ALG5: variants seen among roughly 807,000 people sequenced by gnomAD.
ALG5 encodes ALG5 dolichyl-phosphate beta-glucosyltransferase, also known as dolichyl-phosphate beta-glucosyltransferase.
ALG5 carries 26 observed loss-of-function variants against 51.8 expected under a neutral mutation model. The observed-to-expected ratio is 0.50, with a 90% CI of 0.37 to 0.70. The LOEUF (loss-of-function observed/expected upper bound fraction) is 0.70, where lower values mean the gene tolerates loss of function less well. Ranked by LOEUF, ALG5 falls within the 30% of genes least tolerant of loss-of-function variation. ALG5 has a pLI of 0.00. For synonymous variants in ALG5, 141 were observed against 136.1 expected (o/e 1.04, Z -0.25); for missense variants, 311 against 399.3 (o/e 0.78, Z 1.88).
intron 6 of ALG5, among the ~76,000 whole-genome samples, chr13:36,974,126 T>C (rs747698436): frequency 1.3e-4 from 20 of 152,208 alleles, no homozygotes; most frequent in South Asian, 4.1e-4. Flanking sequence ...TGCATAAATA[T>C]AGTGCAATCT....
At chr13:36,967,963 G>A (rs1276257431) in intron 7 of ALG5, 2 of 349,108 alleles carry the variant, frequency 5.7e-6, no homozygotes, top group South Asian at 3.2e-5. Context: ...GCTCTGGCTT[G>A]GATGTTAATA....
At chr13:36,994,942 G>C (rs767057798) in intron 3 of ALG5, 47 bp downstream of exon 3, 12 of 1,544,408 alleles carry the variant, frequency 7.8e-6, no homozygotes, top group Non-Finnish European at 1.1e-5. Flanking sequence ...TGGTGACCTG[G>C]TCTAGTTTTA....
intron 6 of ALG5, among the ~76,000 whole-genome samples, chr13:36,981,814 G>T (rs1001113447): frequency 3.2e-4 from 48 of 152,184 alleles, no homozygotes; most frequent in African/African-American, 1.1e-3. Flanking sequence ...TGGGCCAGGC[G>T]CAGTGGTTCA....
intron 3 of ALG5, among the ~76,000 whole-genome samples, chr13:36,993,977 G>A (rs1459728898): frequency 6.6e-6 from 1 of 152,124 alleles, no homozygotes; most frequent in Non-Finnish European, 1.5e-5. Flanking sequence ...CATTTGAGAG[G>A]GTACAGGTGT....
At chr13:36,978,200 T>TC (rs2058963038) in intron 6 of ALG5, among the ~76,000 whole-genome samples, 2 of 150,588 alleles carry the variant, frequency 1.3e-5, no homozygotes, top group Non-Finnish European at 3.0e-5. Context: ...TTTTTTTTTT[T>TC]TTTTTGAGAC....
At chr13:36,979,368 T>G (rs1057391776) in intron 6 of ALG5, among the ~76,000 whole-genome samples, 1 of 152,136 alleles carries the variant, frequency 6.6e-6, no homozygotes, top group African/African-American at 2.4e-5. Context: ...GAGGTTGAGT[T>G]CTCTTTTGGA....
chr13:36,970,627 A>C (rs2058918264), intron 7 of ALG5, among the ~76,000 whole-genome samples: 1 of 151,194 alleles, frequency 6.6e-6, no homozygotes, highest in African/African-American at 2.4e-5. Flanking sequence ...AAACAAAAAA[A>C]GAAGGCCGGG....
intron 8 of ALG5, among the ~76,000 whole-genome samples, chr13:36,960,201 G>C (rs1245654523): frequency 6.6e-6 from 1 of 152,166 alleles, no homozygotes; most frequent in Non-Finnish European, 1.5e-5. Flanking sequence ...TGTATTTGGA[G>C]TTTACGTGTG....
At chr13:36,988,112 G>T (rs898199025) in intron 5 of ALG5, among the ~76,000 whole-genome samples, 1 of 152,062 alleles carries the variant, frequency 6.6e-6, no homozygotes, top group South Asian at 2.1e-4. Flanking sequence ...TAAAGACCCC[G>T]CCGAGAATTT....
chr13:36,954,258 ATTTTATCTTC>A (rs1041401521), intron 8 of ALG5, among the ~76,000 whole-genome samples: 1 of 48,978 alleles, frequency 2.0e-5, no homozygotes, highest in Admixed American at 2.0e-4. Flanking sequence ...TAGTCCTATA[ATTTTATCTTC>A]TTCTTTTCTA....
intron 8 of ALG5, among the ~76,000 whole-genome samples, chr13:36,954,256 T>A (rs1476118622): frequency 1.9e-5 from 1 of 52,348 alleles, no homozygotes; most frequent in African/African-American, 4.6e-5. Flanking sequence ...ACTAGTCCTA[T>A]AATTTTATCT....
intron 8 of ALG5, among the ~76,000 whole-genome samples, chr13:36,964,856 C>T (rs949043961): frequency 4.7e-5 from 7 of 148,168 alleles, no homozygotes; most frequent in African/African-American, 1.2e-4. Context: ...ACGCGGGAGG[C>T]GGAGGTTGCA....
intron 8 of ALG5, among the ~76,000 whole-genome samples, chr13:36,957,744 G>A (rs2058846943): frequency 6.6e-6 from 1 of 152,102 alleles, no homozygotes; most frequent in Non-Finnish European, 1.5e-5. Flanking sequence ...TTGACCAAGA[G>A]ACGGCCAAGT....
At chr13:36,988,271 T>C (rs1375506602) in intron 5 of ALG5, among the ~76,000 whole-genome samples, 1 of 152,240 alleles carries the variant, frequency 6.6e-6, no homozygotes, top group Non-Finnish European at 1.5e-5. Flanking sequence ...AATAGGTGTC[T>C]TTCATCTCAG....
intron 6 of ALG5, among the ~76,000 whole-genome samples, chr13:36,972,885 G>A (rs1305994840): frequency 5.3e-5 from 8 of 151,380 alleles, no homozygotes; most frequent in African/African-American, 1.2e-4. Flanking sequence ...CCAGCTACTC[G>A]GGAGGCTGAG....
intron 6 of ALG5, among the ~76,000 whole-genome samples, chr13:36,979,532 A>G (rs1258830412): frequency 6.6e-6 from 1 of 152,204 alleles, no homozygotes; most frequent in Non-Finnish European, 1.5e-5. Flanking sequence ...ATTGGTATAC[A>G]AAACTAGAAC....
At chr13:36,980,718 A>G (rs1192653974) in intron 6 of ALG5, among the ~76,000 whole-genome samples, 1 of 152,078 alleles carries the variant, frequency 6.6e-6, no homozygotes, top group African/African-American at 2.4e-5. Context: ...CATGCTCCTA[A>G]TCCCCACAAT....
chr13:36,983,771 C>CAA (rs1244418026), intron 6 of ALG5, among the ~76,000 whole-genome samples: 71 of 151,274 alleles, frequency 4.7e-4, no homozygotes, highest in African/African-American at 1.7e-3. Context: ...CTTAAAAAAA[C>CAA]AAAAAACACC....
At chr13:36,995,618 T>C in intron 1 of ALG5, 22 bp from the exon 2 acceptor site, 1 of 1,584,156 alleles carries the variant, frequency 6.3e-7, no homozygotes, top group Non-Finnish European at 8.5e-7. Context: ...CATACATGTC[T>C]TTTACAAAAC....
Sources: allele counts gnomAD v4.1 joint callset (sites outside exome capture counted in the v4.1 genomes callset), GRCh38; gene constraint gnomAD v4.1.1; transcripts MANE v1.5; gene names NCBI Gene and HGNC (gene_info 2026-07-23, HGNC 2026-07-21).